The following GLG1 variants were observed in gnomAD, a reference collection of about 807,000 sequenced individuals.
GLG1 encodes Golgi apparatus protein 1.
A neutral mutation model predicts 160.5 loss-of-function variants in GLG1; 38 were observed. The ratio of observed to expected loss-of-function variants is 0.24; its 90% CI spans 0.18 to 0.31. GLG1 has a LOEUF of 0.31. GLG1 is among the 10% of genes least tolerant of loss of function. The pLI, the probability that GLG1 is intolerant of heterozygous loss-of-function variation, is 1.00. For missense variants in GLG1, 1,373 were observed against 1,505.2 expected, an observed-to-expected ratio of 0.91 and a Z score of 1.45; for synonymous variants, 644 against 543.4, an observed-to-expected ratio of 1.19 and a Z score of -2.57.
At chr16:74,494,912 T>C (rs2016131400) in intron 5 of GLG1, 81 bp from the exon 6 acceptor site, 1 of 733,910 alleles carries the variant, frequency 1.4e-6, no homozygotes, top group Admixed American at 1.9e-5. Context: ...ATATAGAGCT[T>C]TCTATTAAAC....
intron 3 of GLG1, among the ~76,000 whole-genome samples, chr16:74,505,381 T>G (rs1259653152): frequency 6.6e-6 from 1 of 152,244 alleles, no homozygotes; most frequent in Non-Finnish European, 1.5e-5. Flanking sequence ...TCAAGATGAA[T>G]GAAATTCTTT....
intron 1 of GLG1, among the ~76,000 whole-genome samples, chr16:74,569,859 C>A (rs1458453976): frequency 7.3e-6 from 1 of 137,280 alleles, no homozygotes; most frequent in Admixed American, 7.6e-5. Context: ...GAAACTCCAA[C>A]TCAAAAAAAA....
chr16:74,479,464 A>C (rs2015521773), intron 11 of GLG1, among the ~76,000 whole-genome samples: 1 of 151,076 alleles, frequency 6.6e-6, no homozygotes, highest in African/African-American at 2.4e-5. Context: ...AAAAAAAAAC[A>C]AATTCCCACG....
At chr16:74,554,093 A>C (rs1202923438) in intron 1 of GLG1, among the ~76,000 whole-genome samples, 2 of 152,206 alleles carry the variant, frequency 1.3e-5, no homozygotes, top group African/African-American at 2.4e-5. Flanking sequence ...TACAACACAA[A>C]ATATAGTCAT....
intron 1 of GLG1, among the ~76,000 whole-genome samples, chr16:74,599,981 G>C (rs1395002787): frequency 6.7e-6 from 1 of 148,182 alleles, no homozygotes; most frequent in Admixed American, 6.7e-5. Flanking sequence ...TTGCAGTGAG[G>C]TGAGATCGCG....
At position 74,463,392 on chromosome 16, in the gene GLG1, G is replaced by A; in HGVS notation, c.2755C>T (p.Gln919Ter). The A allele has an allele frequency of 6.2e-7, 1 of 1,614,060 alleles. No individual in the cohort carries two copies. The highest frequency in any genetic ancestry group is 8.5e-7 in the Non-Finnish European group (1 of 1,179,932). ...GTGATCTGGCGCTTGGTTATCATCT[G>A]TTTGCATTTGGGATCCATCAATTCA... The part of the protein sequence containing the change: ...NSELMDPKCK[Q>*]MITKRQITQN... Residue 919 changes from glutamine to a stop codon, truncating the protein, a stop_gained, in exon 20 of 26, where the codon CAG becomes TAG. Transcript: ENST00000422840. LOFTEE classifies it high-confidence loss of function.
chr16:74,474,766 C>G, intron 12 of GLG1, 134 bp from the exon 13 acceptor site: 1 of 678,728 alleles, frequency 1.5e-6, no homozygotes, highest in South Asian at 1.6e-5. Flanking sequence ...CCTCACTGAA[C>G]AGGACACAAA....
intron 7 of GLG1, among the ~76,000 whole-genome samples, chr16:74,492,517 T>C (rs1263974073): frequency 1.8e-5 from 1 of 55,558 alleles, no homozygotes; most frequent in Non-Finnish European, 3.3e-5. Flanking sequence ...ACCTCATCTC[T>C]ATTAAAAAAA....
At chr16:74,576,669 G>A (rs1597364978) in intron 1 of GLG1, among the ~76,000 whole-genome samples, 1 of 152,168 alleles carries the variant, frequency 6.6e-6, no homozygotes, top group Non-Finnish European at 1.5e-5. Context: ...GCATAAATGA[G>A]TGCTTCATAA....
At chr16:74,470,973 T>A (rs1057325696) in intron 15 of GLG1, among the ~76,000 whole-genome samples, 200 bp downstream of exon 15, 1 of 151,702 alleles carries the variant, frequency 6.6e-6, no homozygotes. Context: ...CTCAGGTTGG[T>A]CTTGAACTCC....
intron 1 of GLG1, among the ~76,000 whole-genome samples, chr16:74,597,522 C>A (rs2143894535): frequency 6.6e-6 from 1 of 151,574 alleles, no homozygotes; most frequent in East Asian, 2.0e-4. Context: ...AGTTCAAGAC[C>A]AGCATAGCCA....
chr16:74,569,969 G>T (rs1435923089), intron 1 of GLG1, among the ~76,000 whole-genome samples: 1 of 149,646 alleles, frequency 6.7e-6, no homozygotes, highest in Non-Finnish European at 1.5e-5. Flanking sequence ...GATCGCTTGA[G>T]CCCAGGAGTT....
At chr16:74,597,304 G>A (rs1228101010) in intron 1 of GLG1, among the ~76,000 whole-genome samples, 1 of 150,684 alleles carries the variant, frequency 6.6e-6, no homozygotes, top group Non-Finnish European at 1.5e-5. Flanking sequence ...GGTGGGGTGC[G>A]CCTATAGTCC....
In GLG1 at chr16:74,503,723, C is replaced by T. The variant is rs745391132; in HGVS notation, c.582G>A (p.Pro194=). The change falls in exon 4 of 26, where the codon CCG becomes CCA. Residue 194 remains proline (P), a synonymous_variant. Coordinates refer to ENST00000422840, the MANE Select transcript of GLG1 (RefSeq NM_001145667.2). ...ITEIKECADE[P]VGKGYMVSCL... Reference sequence around the variant, plus strand: ...AGGAAACCATGTAACCTTTTCCAACCGGTTCATCAGCACATTCTTTAATCT... The same window carrying T: ...AGGAAACCATGTAACCTTTTCCAACTGGTTCATCAGCACATTCTTTAATCT... The T allele has an allele frequency of 1.2e-5, 19 of 1,611,586 alleles. No homozygotes were observed. Among genetic ancestry groups the T allele is most frequent in the East Asian group, 2.2e-5 (1 of 44,858 alleles).
At chr16:74,494,531 C>A (rs1387271495) in intron 6 of GLG1, among the ~76,000 whole-genome samples, 4 of 150,592 alleles carry the variant, frequency 2.7e-5, no homozygotes, top group African/African-American at 7.3e-5. Context: ...TTCAGCCTCC[C>A]GAGTAGCTGG....
At chr16:74,602,667 C>T (rs1470534134) in intron 1 of GLG1, among the ~76,000 whole-genome samples, 1 of 152,034 alleles carries the variant, frequency 6.6e-6, no homozygotes, top group Non-Finnish European at 1.5e-5. Context: ...CCTGTAGTCC[C>T]AGCTACTTGG....
intron 10 of GLG1, among the ~76,000 whole-genome samples, chr16:74,481,634 G>C (rs1007913662): frequency 6.6e-6 from 1 of 152,116 alleles, no homozygotes; most frequent in Admixed American, 6.5e-5. Context: ...ATAGAAATAA[G>C]AATATATTGA....
intron 1 of GLG1, among the ~76,000 whole-genome samples, chr16:74,578,332 T>C (rs144466936): frequency 3.2e-4 from 48 of 152,318 alleles, no homozygotes; most frequent in Middle Eastern, 3.4e-3. Flanking sequence ...ATACTCTTTG[T>C]GGCACCGCAC....
intron 1 of GLG1, among the ~76,000 whole-genome samples, chr16:74,546,881 C>T (rs563730924): frequency 8.4e-6 from 1 of 119,140 alleles, no homozygotes; most frequent in African/African-American, 3.2e-5. Flanking sequence ...AAGTGGGTAA[C>T]ATGTGATAAT....
Sources: allele counts gnomAD v4.1 joint callset (sites outside exome capture counted in the v4.1 genomes callset), GRCh38; gene constraint gnomAD v4.1.1; transcripts MANE v1.5; gene names NCBI Gene and HGNC (gene_info 2026-07-23, HGNC 2026-07-21).